The following SLC25A16 variants were observed in gnomAD, a reference collection of about 807,000 sequenced individuals.
The protein encoded by SLC25A16 is solute carrier family 25 member 16.
SLC25A16 carries 39 observed loss-of-function variants against 41.5 expected under a neutral mutation model. The observed-to-expected ratio is 0.94, with a 90% confidence interval of 0.73 to 1.23. The LOEUF (loss-of-function observed/expected upper bound fraction) is 1.23. SLC25A16 is among the 50% of genes most tolerant of loss of function. SLC25A16 has a pLI of 0.00. For synonymous variants in SLC25A16, 146 were observed against 147.8 expected (o/e 0.99, Z 0.09); for missense variants, 421 against 426.9 (o/e 0.99, Z 0.12).
At chr10:68,504,944 T>G (rs2052927438) in intron 3 of SLC25A16, among the ~76,000 whole-genome samples, 1 of 152,152 alleles carries the variant, frequency 6.6e-6, no homozygotes, top group South Asian at 2.1e-4. Flanking sequence ...CCTCCCAAAG[T>G]GCTGTGATTA....
At position 68,479,213 on chromosome 10, in the gene SLC25A16, A is replaced by C. The variant is rs1008507877; in HGVS notation, c.*4219T>G. The C allele has an allele frequency of 2.6e-5, 4 of 152,228 alleles. No homozygotes were observed. The highest frequency in any genetic ancestry group is 9.7e-5 in the African/African-American group (4 of 41,450). The allele number at this position is 152,228 out of a possible 1,614,324, so 9.4% of individuals were successfully genotyped here. A position where few individuals can be genotyped will look rare whatever the true frequency, so the allele number is the denominator to read the frequency against. ...CATAAAGTCTTCAAAAACAGGGACT[A>C]ACCCTTCCTTCTACCCACCAGTAAA... On this transcript the variant is annotated 3_prime_UTR_variant, in exon 9 of 9. Coordinates refer to ENST00000609923, the MANE Select transcript of SLC25A16 (RefSeq NM_152707.4).
chr10:68,478,193 C>T lies in SLC25A16; in HGVS notation c.*5239G>A, dbSNP rs754396135. On this transcript the variant is annotated 3_prime_UTR_variant, in exon 9 of 9. Coordinates refer to ENST00000609923, the MANE Select transcript of SLC25A16 (RefSeq NM_152707.4). ...GCCAAGTAATTTAATCTCCCTAGGCCTCGATTATTCCCATCTGTCAAAAAG... is the reference window on the plus strand; with the variant it reads ...GCCAAGTAATTTAATCTCCCTAGGCTTCGATTATTCCCATCTGTCAAAAAG... 8 of 152,078 alleles carry T rather than the reference C, an allele frequency of 5.3e-5. No individual in the cohort carries two copies. Among genetic ancestry groups the T allele is most frequent in the Non-Finnish European group, 1.2e-4 (8 of 68,022 alleles). 9.4% of individuals were successfully genotyped at this position (152,078 alleles called of 1,614,324 possible). A position where few individuals can be genotyped will look rare whatever the true frequency, so the allele number is the denominator to read the frequency against.
chr10:68,513,532 T>C (rs180835384), intron 2 of SLC25A16, among the ~76,000 whole-genome samples: 1 of 152,252 alleles, frequency 6.6e-6, no homozygotes, highest in Admixed American at 6.6e-5. Flanking sequence ...TAAAATGCAG[T>C]TGGAAAAATA....
At chr10:68,521,410 T>C (rs1228498261) in intron 1 of SLC25A16, among the ~76,000 whole-genome samples, 2 of 151,818 alleles carry the variant, frequency 1.3e-5, no homozygotes, top group African/African-American at 4.8e-5. Context: ...ACACCTGTAA[T>C]CCCAACTACT....
In SLC25A16 at chr10:68,481,558, C is replaced by G. The variant is rs1216190423; in HGVS notation, c.*1874G>C. On this transcript the variant is annotated 3_prime_UTR_variant, in exon 9 of 9. Transcript: ENST00000609923. ...CAAGATATCCTCCCGCCTCAGCCTCCCAAAGTGCTAGGGTTACAGGCAAGA... is the reference window on the plus strand; with the variant it reads ...CAAGATATCCTCCCGCCTCAGCCTCGCAAAGTGCTAGGGTTACAGGCAAGA... 6.6e-6 allele frequency: 1 copy of G among 152,152 alleles called. No individual in the cohort carries two copies. Among genetic ancestry groups the G allele is most frequent in the African/African-American group, 2.4e-5 (1 of 41,442 alleles). The allele number at this position is 152,152 out of a possible 1,614,324, so 9.4% of individuals were successfully genotyped here.
intron 2 of SLC25A16, among the ~76,000 whole-genome samples, chr10:68,509,748 T>A (rs1169174959): frequency 2.1e-5 from 3 of 141,220 alleles, no homozygotes; most frequent in Non-Finnish European, 4.5e-5. Flanking sequence ...TATATCTATA[T>A]ATATAGATAT....
rs566613845 is a variant in SLC25A16, at chr10:68,523,504, G to T, written c.130+3742C>A. Among the ~76,000 whole-genome samples, 3 of 151,890 alleles carry T rather than the reference G, an allele frequency of 2.0e-5. No homozygotes were observed. In the East Asian group the frequency reaches 5.8e-4, roughly 29 times the overall value. On this transcript the variant is annotated intron_variant, in intron 1 of 8. Transcript: ENST00000609923. ...TTTTTTTTAATTGAGAGGGAGTCTT[G>T]CTCTGTTGCCCAGGCTGGAGTGCAG...
intron 1 of SLC25A16, among the ~76,000 whole-genome samples, chr10:68,525,587 G>A (rs528026920): frequency 1.3e-5 from 2 of 152,178 alleles, no homozygotes; most frequent in South Asian, 4.2e-4. Context: ...CCTAGTAACT[G>A]GGACTACAGT....
chr10:68,526,425 C>T (rs1456700399), intron 1 of SLC25A16, among the ~76,000 whole-genome samples: 1 of 152,150 alleles, frequency 6.6e-6, no homozygotes, highest in Admixed American at 6.6e-5. Flanking sequence ...GTGACCCTGA[C>T]ACATCCCCCT....
At chr10:68,503,744 C>A in intron 3 of SLC25A16, 49 bp from the exon 4 acceptor site, 2 of 1,085,960 alleles carry the variant, frequency 1.8e-6, no homozygotes, top group Admixed American at 1.9e-5. Flanking sequence ...TAAATGCTGC[C>A]CATTTCACTG....
At chr10:68,527,029 C>T (rs1444768647) in intron 1 of SLC25A16, among the ~76,000 whole-genome samples, 1 of 152,196 alleles carries the variant, frequency 6.6e-6, no homozygotes, top group East Asian at 1.9e-4. Flanking sequence ...ACCTCCCCAG[C>T]CTCTGCCGGA....
At chr10:68,486,084 G>A (rs2052555440) in intron 8 of SLC25A16, among the ~76,000 whole-genome samples, 1 of 151,278 alleles carries the variant, frequency 6.6e-6, no homozygotes, top group Non-Finnish European at 1.5e-5. Flanking sequence ...CAGGCGTGGT[G>A]GCAGGTACCT....
chr10:68,523,372 C>A (rs2133604824), intron 1 of SLC25A16, among the ~76,000 whole-genome samples: 1 of 152,276 alleles, frequency 6.6e-6, no homozygotes, highest in East Asian at 1.9e-4. Flanking sequence ...AGAATAGAGG[C>A]CTGAACCAGT....
chr10:68,515,227 C>T (rs2053140866), intron 2 of SLC25A16, among the ~76,000 whole-genome samples: 1 of 150,618 alleles, frequency 6.6e-6, no homozygotes, highest in Non-Finnish European at 1.5e-5. Flanking sequence ...CGTGGTGGTG[C>T]ATGCCTGTAA....
intron 2 of SLC25A16, among the ~76,000 whole-genome samples, chr10:68,516,395 G>A (rs910391477): frequency 2.0e-5 from 3 of 151,342 alleles, no homozygotes; most frequent in Non-Finnish European, 3.0e-5. Context: ...GAATGCTGGG[G>A]AAGGTAAAAA....
intron 6 of SLC25A16, among the ~76,000 whole-genome samples, chr10:68,490,249 T>C (rs962169689): frequency 1.3e-5 from 2 of 152,006 alleles, no homozygotes; most frequent in African/African-American, 4.8e-5. Context: ...ATTGCACCAC[T>C]GCACTCCAGC....
intron 1 of SLC25A16, among the ~76,000 whole-genome samples, chr10:68,520,251 C>G (rs934254004): frequency 2.0e-5 from 3 of 152,058 alleles, no homozygotes; most frequent in African/African-American, 7.2e-5. Context: ...GCCACCGCAC[C>G]CAGCCTATTT....
chr10:68,510,674 A>G (rs1351768228), intron 2 of SLC25A16, among the ~76,000 whole-genome samples: 1 of 151,970 alleles, frequency 6.6e-6, no homozygotes, highest in Admixed American at 6.6e-5. Flanking sequence ...CTCCATCTCT[A>G]CTAAAAATAC....
chr10:68,512,829 G>A (rs1471618350), intron 2 of SLC25A16, among the ~76,000 whole-genome samples: 1 of 151,710 alleles, frequency 6.6e-6, no homozygotes, highest in Admixed American at 6.6e-5. Context: ...ACTGAGGTCA[G>A]GAGTTCGAGA....
Sources: gnomAD v4.1 joint callset for allele counts (sites outside exome capture counted in the v4.1 genomes callset) on GRCh38, gnomAD v4.1.1 for gene constraint, MANE v1.5 for transcripts, NCBI Gene and HGNC (gene_info 2026-07-23, HGNC 2026-07-21) for gene names.